The following NXPH1 variants were observed in gnomAD, a reference collection of about 807,000 sequenced individuals.
NXPH1 encodes neurexophilin 1, also known as neurexophilin-1.
NXPH1 carries 5 observed loss-of-function variants against 23.7 expected under a neutral mutation model. The ratio of observed to expected loss-of-function variants is 0.21; its 90% CI spans 0.11 to 0.44. The LOEUF is 0.44. Among genes scored for constraint, NXPH1 ranks in the 20% least tolerant of loss-of-function variants. The pLI, the probability that NXPH1 is intolerant of heterozygous loss-of-function variation, is 0.99. For missense variants in NXPH1, 324 were observed against 321.6 expected (o/e 1.01, Z -0.06); for synonymous variants, 144 against 122.2 (o/e 1.18, Z -1.18).
chr7:8,715,071 C>T (rs1263705411), intron 2 of NXPH1, among the ~76,000 whole-genome samples: 4 of 152,118 alleles, frequency 2.6e-5, no homozygotes, highest in Non-Finnish European at 4.4e-5. Flanking sequence ...TTTAGGATCC[C>T]AGAGCACTTT....
chr7:8,737,674 G>A (rs2115224228), intron 2 of NXPH1, among the ~76,000 whole-genome samples: 1 of 152,262 alleles, frequency 6.6e-6, no homozygotes, highest in African/African-American at 2.4e-5. Context: ...TTTGAATGTT[G>A]ACCTGTCTTG....
chr7:8,725,602 T>C (rs1312954879), intron 2 of NXPH1, among the ~76,000 whole-genome samples: 1 of 152,190 alleles, frequency 6.6e-6, no homozygotes, highest in African/African-American at 2.4e-5. Context: ...ATTTACTTAA[T>C]GTAAAAAATT....
In NXPH1 at chr7:8,638,858, G is replaced by A. The variant is rs141119053; in HGVS notation, c.55-112150G>A. 7.9e-3 allele frequency among the ~76,000 whole-genome samples: 1,198 copies of A among 152,170 alleles called. 21 individuals are homozygous for A. Among genetic ancestry groups the A allele is most frequent in the African/African-American group, 0.027 (1,127 of 41,524 alleles). ...GCTCGTATTTTACAATCACAACATA[G>A]TGGTTACGATCTTTGGGGACAGCTA... On this transcript the variant is annotated intron_variant, in intron 2 of 2. Transcript: ENST00000405863.
chr7:8,623,981 T>C (rs1200803645), intron 2 of NXPH1, among the ~76,000 whole-genome samples: 1 of 152,152 alleles, frequency 6.6e-6, no homozygotes, highest in Non-Finnish European at 1.5e-5. Context: ...GATGTACAGA[T>C]GAGCAACGTG....
At chr7:8,446,331 A>G (rs966563082) in intron 2 of NXPH1, among the ~76,000 whole-genome samples, 12 of 152,214 alleles carry the variant, frequency 7.9e-5, no homozygotes, top group African/African-American at 2.9e-4. Context: ...CCAAGGTAAC[A>G]TCTAAGTACA....
intron 2 of NXPH1, among the ~76,000 whole-genome samples, chr7:8,509,955 GT>G (rs1321111040): frequency 6.6e-6 from 1 of 152,160 alleles, no homozygotes; most frequent in Non-Finnish European, 1.5e-5. Context: ...GAAAAAGTGA[GT>G]GAAAAATCCT....
intron 2 of NXPH1, among the ~76,000 whole-genome samples, chr7:8,494,502 A>G (rs1003918737): frequency 6.6e-6 from 1 of 152,040 alleles, no homozygotes; most frequent in Non-Finnish European, 1.5e-5. Context: ...TTCTTCATAG[A>G]TATTTAATGA....
rs758426131 is a variant in NXPH1 at position 8,461,843 on chromosome 7, A to AAAAAAAAAAAAAAAAAAG, written c.54+26084_54+26085insAAAAAAAAAGAAAAAAAA. 1.4e-3 allele frequency among the ~76,000 whole-genome samples: 165 copies of AAAAAAAAAAAAAAAAAAG among 121,382 alleles called. 4 individuals carry two copies. The highest frequency in any genetic ancestry group is 2.8e-3 in the African/African-American group (93 of 33,334). 79.6% of individuals were successfully genotyped at this position (121,382 alleles called of 152,430 possible). ...CAGAGCGAGACTCCGTCTCAAAAAA[A>AAAAAAAAAAAAAAAAAAG]AAAAAAAAGAATAAACACACAAGTG... On this transcript the variant is annotated intron_variant, in intron 2 of 2. Transcript: ENST00000405863.
At chr7:8,643,267 A>T (rs996820337) in intron 2 of NXPH1, among the ~76,000 whole-genome samples, 4 of 152,122 alleles carry the variant, frequency 2.6e-5, no homozygotes, top group African/African-American at 9.7e-5. Context: ...CTTGACATTA[A>T]TTTTTAATAA....
intron 2 of NXPH1, among the ~76,000 whole-genome samples, chr7:8,730,655 G>A (rs1185559563): frequency 6.6e-6 from 1 of 152,184 alleles, no homozygotes; most frequent in East Asian, 1.9e-4. Flanking sequence ...CTTTAAGAAT[G>A]TTGAATATTG....
rs527874361 is a variant in NXPH1, at chr7:8,752,260, A to G, written c.*491A>G. On this transcript the variant is annotated 3_prime_UTR_variant, in exon 3 of 3. Transcript: ENST00000405863. ...ACTGCTTGGAGTAGCTGTACTGGTA[A>G]ATACTACTGTAGGAGTATCTGCTTG... 1.3e-5 allele frequency: 2 copies of G among 157,662 alleles called. No individual in the cohort carries two copies. Among genetic ancestry groups the G allele is most frequent in the East Asian group, 1.9e-4 (1 of 5,390 alleles). 9.8% of individuals were successfully genotyped at this position (157,662 alleles called of 1,614,324 possible).
At chr7:8,446,751 C>T (rs1816410938) in intron 2 of NXPH1, among the ~76,000 whole-genome samples, 1 of 151,898 alleles carries the variant, frequency 6.6e-6, no homozygotes, top group Admixed American at 6.6e-5. Context: ...CTATGATTTC[C>T]TTTTTTCCTC....
At chr7:8,598,591 G>T (rs1819281591) in intron 2 of NXPH1, among the ~76,000 whole-genome samples, 1 of 152,090 alleles carries the variant, frequency 6.6e-6, no homozygotes, top group Admixed American at 6.6e-5. Context: ...ATGTTGGAAT[G>T]GGAAGCAAGG....
chr7:8,669,440 C>A, intron 2 of NXPH1, among the ~76,000 whole-genome samples: 1 of 151,866 alleles, frequency 6.6e-6, no homozygotes, highest in Non-Finnish European at 1.5e-5. Context: ...GAATCTCAGA[C>A]CTGGCTTGGG....
rs1320655515 is a variant in NXPH1, at chr7:8,531,293, CA to C, written c.54+95533del. Reference sequence around the variant, plus strand: ...CATAAATAGCTATAGAGTGAATGAACAAAAAAAGGGTATAGTGAAGTTCAAA... The same window carrying C: ...CATAAATAGCTATAGAGTGAATGAACAAAAAAGGGTATAGTGAAGTTCAAA... On this transcript the variant is annotated intron_variant, in intron 2 of 2. Coordinates refer to ENST00000405863, the MANE Select transcript of NXPH1 (RefSeq NM_152745.3). Among the ~76,000 whole-genome samples, 4 of 151,268 alleles carry C rather than the reference CA, an allele frequency of 2.6e-5. No individual in the cohort carries two copies. In the East Asian group the frequency reaches 5.8e-4, roughly 22 times the overall value.
chr7:8,584,193 T>A (rs1401025788), intron 2 of NXPH1, among the ~76,000 whole-genome samples: 1 of 152,194 alleles, frequency 6.6e-6, no homozygotes, highest in Non-Finnish European at 1.5e-5. Context: ...TTGCTGAATC[T>A]TATAGAGCTG....
chr7:8,513,835 C>A (rs967509194), intron 2 of NXPH1, among the ~76,000 whole-genome samples: 3 of 152,044 alleles, frequency 2.0e-5, no homozygotes, highest in African/African-American at 7.2e-5. Flanking sequence ...AAAAAAGTAG[C>A]ACAAACTTGG....
At chr7:8,493,518 C>G (rs1016208880) in intron 2 of NXPH1, among the ~76,000 whole-genome samples, 5 of 152,062 alleles carry the variant, frequency 3.3e-5, no homozygotes, top group African/African-American at 7.2e-5. Context: ...AATGAGAGAA[C>G]AGCTCAGGCT....
chr7:8,481,390 C>A (rs932073624), intron 2 of NXPH1, among the ~76,000 whole-genome samples: 7 of 152,090 alleles, frequency 4.6e-5, no homozygotes, highest in African/African-American at 1.4e-4. Flanking sequence ...AAGAAAAACA[C>A]CTCCATGAAA....
Sources: gnomAD v4.1 joint callset for allele counts (sites outside exome capture counted in the v4.1 genomes callset) on GRCh38, gnomAD v4.1.1 for gene constraint, MANE v1.5 for transcripts, NCBI Gene and HGNC (gene_info 2026-07-23, HGNC 2026-07-21) for gene names.